AGBL4: variants seen among roughly 807,000 people sequenced by gnomAD.
AGBL4 encodes the protein cytosolic carboxypeptidase 6.
In AGBL4, 58 loss-of-function variants were observed where a neutral mutation model predicts 66.4. The ratio of observed to expected loss-of-function variants is 0.87; its 90% CI spans 0.71 to 1.09. The LOEUF (loss-of-function observed/expected upper bound fraction) is 1.09. Ranked by LOEUF, AGBL4 falls within the 50% of genes least tolerant of loss-of-function variation. The probability of loss-of-function intolerance (pLI) is 0.00; values close to 1 mark genes in which losing one functional copy is unlikely to be tolerated. For missense variants in AGBL4, 579 were observed against 631.0 expected (o/e 0.92, Z 0.88); for synonymous variants, 234 against 222.9 (o/e 1.05, Z -0.44).
At chr1:49,380,441 T>C (rs1185999263) in intron 3 of AGBL4, among the ~76,000 whole-genome samples, 2 of 152,190 alleles carry the variant, frequency 1.3e-5, no homozygotes. Context: ...ATAGATTCAA[T>C]GCCATCCCCA....
chr1:49,563,470 T>G (rs951968186), intron 3 of AGBL4, among the ~76,000 whole-genome samples: 12 of 152,170 alleles, frequency 7.9e-5, no homozygotes, highest in African/African-American at 2.9e-4. Flanking sequence ...CTTATTATTT[T>G]GAGATACGTC....
At chr1:49,326,049 C>G (rs1160343152) in intron 3 of AGBL4, among the ~76,000 whole-genome samples, 1 of 152,148 alleles carries the variant, frequency 6.6e-6, no homozygotes, top group Non-Finnish European at 1.5e-5. Context: ...TACCCAGTCT[C>G]AGGTATTTCT....
At chr1:48,907,566 G>A (rs1652723239) in intron 5 of AGBL4, among the ~76,000 whole-genome samples, 1 of 152,142 alleles carries the variant, frequency 6.6e-6, no homozygotes, top group Admixed American at 6.5e-5. Context: ...GCAGCCTGAG[G>A]GAAGCTCTAG....
chr1:48,614,828 C>G (rs537361903), intron 9 of AGBL4, among the ~76,000 whole-genome samples: 2 of 152,240 alleles, frequency 1.3e-5, no homozygotes, highest in East Asian at 1.9e-4. Flanking sequence ...GAGAAGAAAT[C>G]AAGACTTCAG....
intron 5 of AGBL4, among the ~76,000 whole-genome samples, chr1:48,968,187 G>C (rs1243871663): frequency 1.3e-5 from 2 of 152,044 alleles, no homozygotes; most frequent in Non-Finnish European, 2.9e-5. Flanking sequence ...GTATCCTAAG[G>C]AATAACAAGA....
At chr1:49,940,148 T>C (rs1035980549) in intron 1 of AGBL4, among the ~76,000 whole-genome samples, 18 of 152,114 alleles carry the variant, frequency 1.2e-4, no homozygotes, top group Admixed American at 6.5e-4. Flanking sequence ...AAAACCACTA[T>C]GAGATACCAT....
At chr1:48,579,588 C>T (rs914433434) in intron 11 of AGBL4, among the ~76,000 whole-genome samples, 2 of 151,250 alleles carry the variant, frequency 1.3e-5, no homozygotes, top group East Asian at 3.9e-4. Context: ...TGACTCTTTC[C>T]TCTACCCCGT....
chr1:49,068,295 T>C (rs1206742031), intron 4 of AGBL4, among the ~76,000 whole-genome samples: 1 of 151,816 alleles, frequency 6.6e-6, no homozygotes, highest in Admixed American at 6.6e-5. Flanking sequence ...GTTTGTTACA[T>C]AGGTATACAT....
At chr1:49,579,690 G>A (rs990721179) in intron 3 of AGBL4, among the ~76,000 whole-genome samples, 12 of 152,020 alleles carry the variant, frequency 7.9e-5, no homozygotes, top group Non-Finnish European at 1.6e-4. Context: ...TAGTAGAGAC[G>A]GGGTTTCACC....
chr1:48,816,045 TTGTGTGTG>T (rs59041939), intron 6 of AGBL4, among the ~76,000 whole-genome samples: 63,054 of 144,172 alleles, frequency 0.44, 15,030 homozygotes, highest in Non-Finnish European at 0.55. Context: ...AGGAACTGTT[TTGTGTGTG>T]TGTGTGTGTG....
intron 4 of AGBL4, among the ~76,000 whole-genome samples, chr1:49,196,704 A>G (rs530772457): frequency 6.6e-6 from 1 of 151,394 alleles, no homozygotes; most frequent in East Asian, 1.9e-4. Flanking sequence ...TCATAACTAT[A>G]TAGCTTCTTA....
intron 3 of AGBL4, among the ~76,000 whole-genome samples, chr1:49,351,908 T>G (rs969533395): frequency 1.3e-5 from 2 of 152,214 alleles, no homozygotes; most frequent in African/African-American, 2.4e-5. Flanking sequence ...TAAGCCATGA[T>G]GAATCAGCCT....
intron 3 of AGBL4, among the ~76,000 whole-genome samples, chr1:49,466,504 G>A (rs1272012995): frequency 6.6e-6 from 1 of 151,820 alleles, no homozygotes; most frequent in Non-Finnish European, 1.5e-5. Context: ...CTTCCATCTG[G>A]TGCAGTGCCG....
chr1:49,989,711 T>A (rs999018504), intron 1 of AGBL4, among the ~76,000 whole-genome samples: 9 of 152,198 alleles, frequency 5.9e-5, no homozygotes, highest in African/African-American at 2.2e-4. Flanking sequence ...ATCAGCTATA[T>A]GTCTGTGTAT....
chr1:49,284,341 C>A (rs1570334036), intron 3 of AGBL4, among the ~76,000 whole-genome samples: 1 of 152,030 alleles, frequency 6.6e-6, no homozygotes, highest in South Asian at 2.1e-4. Flanking sequence ...TTGTCACCAC[C>A]AGGCCTTCCC....
At position 49,931,639 on chromosome 1, in the gene AGBL4, T is replaced by C. The variant is rs548687715; in HGVS notation, c.35-80121A>G. ...AACACATGGGGAATGCAATTTGAGA[T>C]GAGATTTGGGTGAGGAAACAGAGCT... is the stretch of plus-strand genomic sequence containing the variant. On this transcript the variant is annotated intron_variant, in intron 1 of 13. Transcript: ENST00000371839. Among the ~76,000 whole-genome samples, 5 of 152,186 alleles carry C rather than the reference T, an allele frequency of 3.3e-5. No individual in the cohort carries two copies. The South Asian group carries it at 1.0e-3, about 32-fold the overall frequency.
intron 1 of AGBL4, among the ~76,000 whole-genome samples, chr1:49,948,128 A>ATAAATATATG (rs1487304591): frequency 9.7e-6 from 1 of 103,586 alleles, no homozygotes. Flanking sequence ...GTAAATATAT[A>ATAAATATATG]TAAATATATG....
At chr1:48,535,764 A>G (rs1445397843) in intron 12 of AGBL4, among the ~76,000 whole-genome samples, 2 of 152,126 alleles carry the variant, frequency 1.3e-5, no homozygotes, top group African/African-American at 4.8e-5. Context: ...TTTCTTGGAC[A>G]TGCCTGCCAG....
At chr1:48,913,831 C>A (rs1204533217) in intron 5 of AGBL4, among the ~76,000 whole-genome samples, 1 of 152,152 alleles carries the variant, frequency 6.6e-6, no homozygotes, top group African/African-American at 2.4e-5. Flanking sequence ...AAACTGGTCT[C>A]TGGTGCCAGA....
Sources: allele counts gnomAD v4.1 joint callset (sites outside exome capture counted in the v4.1 genomes callset), GRCh38; gene constraint gnomAD v4.1.1; transcripts MANE v1.5; gene names NCBI Gene and HGNC (gene_info 2026-07-23, HGNC 2026-07-21).